CARMIL1: variants seen among roughly 807,000 people sequenced by gnomAD.
The protein encoded by CARMIL1 is capping protein regulator and myosin 1 linker 1, also known as F-actin-uncapping protein LRRC16A.
CARMIL1 carries 90 observed loss-of-function variants against 177.1 expected under a neutral mutation model. The observed-to-expected ratio is 0.51, with a 90% CI of 0.43 to 0.61. The LOEUF (loss-of-function observed/expected upper bound fraction) is 0.61, where lower values mean the gene tolerates loss of function less well. CARMIL1 is among the 20% of genes least tolerant of loss of function. The pLI is 0.00. For missense variants in CARMIL1, 1,380 were observed against 1,667.0 expected (o/e 0.83, Z 3.00); for synonymous variants, 577 against 606.2 (o/e 0.95, Z 0.71).
Position 25,578,676 on chromosome 6 carries a change from C to T in CARMIL1, c.2743-2248C>T, listed in dbSNP as rs144525325. On this transcript the variant is annotated intron_variant, in intron 29 of 36. Transcript: ENST00000329474. ...CAGAAGCTGGGTTGCCTTCTTAATA[C>T]CAATTGTAGAAACTAGCCTGATTAC... is the stretch of plus-strand genomic sequence containing the variant. Among the ~76,000 whole-genome samples the T allele has an allele frequency of 8.0e-4, 122 of 152,110 alleles. 3 individuals are homozygous for T. In the East Asian group the frequency reaches 0.019, roughly 24 times the overall value.
At chr6:25,432,356 T>G (rs1256942836) in intron 4 of CARMIL1, among the ~76,000 whole-genome samples, 1 of 152,222 alleles carries the variant, frequency 6.6e-6, no homozygotes, top group Non-Finnish European at 1.5e-5. Context: ...ATGATTTAAT[T>G]ATAGTTCATA....
chr6:25,291,474 A>C (rs887108029), intron 2 of CARMIL1, among the ~76,000 whole-genome samples: 1 of 152,210 alleles, frequency 6.6e-6, no homozygotes, highest in Non-Finnish European at 1.5e-5. Context: ...TTGCATGACC[A>C]GTCTGTTTAA....
intron 2 of CARMIL1, among the ~76,000 whole-genome samples, chr6:25,339,064 C>T (rs1298067394): frequency 1.3e-5 from 2 of 151,288 alleles, no homozygotes; most frequent in Non-Finnish European, 2.9e-5. Context: ...CCATTTTTGT[C>T]CCCATCAATA....
intron 11 of CARMIL1, among the ~76,000 whole-genome samples, chr6:25,480,821 C>T (rs528081500): frequency 1.1e-4 from 16 of 146,520 alleles, no homozygotes; most frequent in Admixed American, 6.2e-4. Flanking sequence ...CCTGAGTTCA[C>T]GCCATTCTCC....
chr6:25,533,406 C>T (rs1807963871), intron 24 of CARMIL1, among the ~76,000 whole-genome samples: 1 of 152,154 alleles, frequency 6.6e-6, no homozygotes. Context: ...CCTCTTTAAG[C>T]CTCAGTTTTT....
At chr6:25,588,011 TA>T (rs751791959) in intron 31 of CARMIL1, among the ~76,000 whole-genome samples, 3 of 152,212 alleles carry the variant, frequency 2.0e-5, no homozygotes, top group African/African-American at 7.2e-5. Context: ...ACCACAACAA[TA>T]AAAAAATTAT....
At chr6:25,345,080 G>T in intron 2 of CARMIL1, among the ~76,000 whole-genome samples, 1 of 152,094 alleles carries the variant, frequency 6.6e-6, no homozygotes, top group East Asian at 1.9e-4. Context: ...AGTCAAGTTT[G>T]CACCTTAACT....
intron 26 of CARMIL1, among the ~76,000 whole-genome samples, chr6:25,546,669 C>CAAAAAAAA (rs58285338): frequency 2.6e-5 from 3 of 115,534 alleles, no homozygotes; most frequent in Non-Finnish European, 5.5e-5. Context: ...ACAACAACAA[C>CAAAAAAAA]AAAAAAAAAA....
chr6:25,428,162 A>G (rs570924394), intron 4 of CARMIL1, among the ~76,000 whole-genome samples: 13 of 152,330 alleles, frequency 8.5e-5, no homozygotes, highest in African/African-American at 2.9e-4. Flanking sequence ...ATGTAGGCCT[A>G]TGATCCATTT....
At chr6:25,353,300 A>T (rs941699478) in intron 2 of CARMIL1, among the ~76,000 whole-genome samples, 6 of 152,324 alleles carry the variant, frequency 3.9e-5, no homozygotes, top group Non-Finnish European at 7.4e-5. Flanking sequence ...GAGATGTGTT[A>T]TTATCCCTAT....
chr6:25,538,696 T>G (rs1808565636), intron 25 of CARMIL1, among the ~76,000 whole-genome samples: 1 of 152,110 alleles, frequency 6.6e-6, no homozygotes, highest in African/African-American at 2.4e-5. Context: ...CTTTTGTTAT[T>G]AATAAAAAGC....
intron 3 of CARMIL1, among the ~76,000 whole-genome samples, chr6:25,424,593 G>A (rs1248012485): frequency 6.6e-6 from 1 of 152,138 alleles, no homozygotes; most frequent in Non-Finnish European, 1.5e-5. Flanking sequence ...CCTGTTTATA[G>A]CAGTTATAGT....
intron 17 of CARMIL1, among the ~76,000 whole-genome samples, chr6:25,502,758 G>A (rs1355256630): frequency 1.3e-5 from 2 of 152,178 alleles, no homozygotes; most frequent in Non-Finnish European, 2.9e-5. Flanking sequence ...AACTGAGGTT[G>A]AAAGAAGTGG....
At chr6:25,598,707 G>A (rs762980464) in intron 32 of CARMIL1, among the ~76,000 whole-genome samples, 7 of 152,152 alleles carry the variant, frequency 4.6e-5, no homozygotes, top group Non-Finnish European at 8.8e-5. Context: ...ATTCATGTTG[G>A]TGGATGCAAT....
chr6:25,459,272 T>TCCTTC (rs1477339182), intron 8 of CARMIL1, among the ~76,000 whole-genome samples: 1 of 134,892 alleles, frequency 7.4e-6, no homozygotes, highest in Non-Finnish European at 1.6e-5. Flanking sequence ...CTTTCTTTTT[T>TCCTTC]TTTTTTTTAA....
intron 36 of CARMIL1, among the ~76,000 whole-genome samples, chr6:25,616,288 C>T (rs911777271): frequency 6.6e-6 from 1 of 152,128 alleles, no homozygotes; most frequent in South Asian, 2.1e-4. Context: ...TAAATTCTAG[C>T]GAGGCACAGT....
At chr6:25,332,869 C>A (rs1174935116) in intron 2 of CARMIL1, among the ~76,000 whole-genome samples, 1 of 152,118 alleles carries the variant, frequency 6.6e-6, no homozygotes, top group Non-Finnish European at 1.5e-5. Flanking sequence ...CCACAAAAGA[C>A]CTGATACTTC....
At chr6:25,416,493 G>C (rs899894342) in intron 2 of CARMIL1, among the ~76,000 whole-genome samples, 1 of 152,206 alleles carries the variant, frequency 6.6e-6, no homozygotes, top group Non-Finnish European at 1.5e-5. Flanking sequence ...AGGATTAAAT[G>C]TGGTAACATA....
At chr6:25,555,965 A>G (rs1810574953) in intron 28 of CARMIL1, among the ~76,000 whole-genome samples, 1 of 152,312 alleles carries the variant, frequency 6.6e-6, no homozygotes. Flanking sequence ...TTTAACATTA[A>G]TACTGCTGAT....
Sources: gnomAD v4.1 joint callset for allele counts (sites outside exome capture counted in the v4.1 genomes callset) on GRCh38, gnomAD v4.1.1 for gene constraint, MANE v1.5 for transcripts, NCBI Gene and HGNC (gene_info 2026-07-23, HGNC 2026-07-21) for gene names.